Variants in ST3GAL4 observed in about 807,000 individuals in gnomAD.
ST3GAL4 encodes ST3 beta-galactoside alpha-2,3-sialyltransferase 4.
ST3GAL4 carries 24 observed loss-of-function variants against 42.6 expected under a neutral mutation model. The ratio of observed to expected loss-of-function variants is 0.56; its 90% CI spans 0.41 to 0.79. The LOEUF is 0.79. Ranked by LOEUF, ST3GAL4 falls within the 30% of genes least tolerant of loss-of-function variation. The probability of loss-of-function intolerance (pLI) is 0.00; values close to 1 mark genes in which losing one functional copy is unlikely to be tolerated. For synonymous variants in ST3GAL4, 135 were observed against 163.2 expected (o/e 0.83, Z 1.32); for missense variants, 311 against 430.8 (o/e 0.72, Z 2.46).
rs961166937 is a variant in ST3GAL4, at chr11:126,366,068, G to A, written c.-61+10226G>A. Among the ~76,000 whole-genome samples, 22 of 152,174 alleles carry A rather than the reference G, an allele frequency of 1.4e-4. No individual in the cohort carries two copies. Among genetic ancestry groups the A allele is most frequent in the Admixed American group, 4.6e-4 (7 of 15,282 alleles). On this transcript the variant is annotated intron_variant, in intron 1 of 10. Transcript: ENST00000444328. This position sits in a 1 kb window ranked among gnomAD's most constrained non-coding sequence, Gnocchi z 4.2. ...CGAGGAGCCCAGGATTCCCCTTTCC[G>A]TGACTTTGGAGGAACGAGGTTCCTG...
intron 1 of ST3GAL4, among the ~76,000 whole-genome samples, chr11:126,362,261 A>G (rs140410474): frequency 0.016 from 2,327 of 143,592 alleles, 62 homozygotes; most frequent in African/African-American, 0.055. Flanking sequence ...GCAGTGGCAC[A>G]ATCTCAGCTC....
intron 1 of ST3GAL4, among the ~76,000 whole-genome samples, chr11:126,368,859 G>T (rs1952529632): frequency 6.6e-6 from 1 of 152,172 alleles, no homozygotes; most frequent in Admixed American, 6.5e-5. Flanking sequence ...TAGCTGCTCT[G>T]AATGGTGTTG....
Position 126,391,969 on chromosome 11 carries a change from GTGTA to G in ST3GAL4, c.-60-14123_-60-14120del, listed in dbSNP as rs56934015. On this transcript the variant is annotated intron_variant, in intron 1 of 10. Transcript: ENST00000444328. The surrounding 1 kb of genome is among the most constrained non-coding windows in gnomAD (Gnocchi z 5.5). Reference sequence around the variant, plus strand: ...TGTGTGTGTGTGTGTGTGTGTGTGTGTGTATGTGTGTGTATGTGTATATATAAAA... The same window carrying G: ...TGTGTGTGTGTGTGTGTGTGTGTGTGTGTGTGTGTATGTGTATATATAAAA... Among the ~76,000 whole-genome samples, 34,933 of 145,844 alleles carry G rather than the reference GTGTA, an allele frequency of 0.24. 4,001 individuals carry two copies. Among genetic ancestry groups the G allele is most frequent in the African/African-American group, 0.27 (10,411 of 39,060 alleles).
intron 1 of ST3GAL4, among the ~76,000 whole-genome samples, chr11:126,374,212 G>A (rs1426287437): frequency 1.3e-5 from 2 of 151,952 alleles, no homozygotes; most frequent in African/African-American, 4.8e-5. Flanking sequence ...AGCACTTTGG[G>A]AGGCCGAGTT....
intron 1 of ST3GAL4, among the ~76,000 whole-genome samples, chr11:126,404,321 G>A (rs1954135965): frequency 6.6e-6 from 1 of 152,212 alleles, no homozygotes; most frequent in Non-Finnish European, 1.5e-5. Context: ...GCAGGTCAGA[G>A]AGGGAGGTGT....
At position 126,397,348 on chromosome 11, in the gene ST3GAL4, C is replaced by T. The variant is rs1376021938; in HGVS notation, c.-60-8748C>T. Among the ~76,000 whole-genome samples the T allele has an allele frequency of 6.6e-6, 1 of 152,060 alleles. No homozygotes were observed. The highest frequency in any genetic ancestry group is 1.5e-5 in the Non-Finnish European group (1 of 68,036). ...ACCATAAAGCATATTCTATAGTACA[C>T]TTAACTCTGGTGGGCTCTTGGTATA... On this transcript the variant is annotated intron_variant, in intron 1 of 10. Transcript: ENST00000444328. The surrounding 1 kb of genome is among the most constrained non-coding windows in gnomAD (Gnocchi z 5.0).
chr11:126,407,394 C>T (rs1285040458), intron 5 of ST3GAL4, 45 bp downstream of exon 5: 5 of 1,596,466 alleles, frequency 3.1e-6, no homozygotes, highest in Non-Finnish European at 4.3e-6. Context: ...TCACCCTGAC[C>T]ACGTTGCTTC....
At chr11:126,367,266 A>G (rs1401873108) in intron 1 of ST3GAL4, among the ~76,000 whole-genome samples, 1 of 152,038 alleles carries the variant, frequency 6.6e-6, no homozygotes, top group Non-Finnish European at 1.5e-5. Context: ...TCTGCATGCC[A>G]CCACACCCCA....
intron 1 of ST3GAL4, among the ~76,000 whole-genome samples, chr11:126,372,511 G>A (rs1403058740): frequency 6.6e-6 from 1 of 151,484 alleles, no homozygotes; most frequent in African/African-American, 2.4e-5. Flanking sequence ...CTGCCTCCTG[G>A]GTTCAAGCGA....
Position 126,407,344 on chromosome 11 carries a change from G to A in ST3GAL4, c.275G>A (p.Gly92Glu). 2.5e-6 allele frequency: 4 copies of A among 1,614,106 alleles called. No homozygotes were observed. Among genetic ancestry groups the A allele is most frequent in the Non-Finnish European group, 3.4e-6 (4 of 1,179,946 alleles). ...TACGAGCTGCCCTATGGGACCAAGG[G>A]GAGTGGTAAGTTCCTACCCGGCTCG... is the stretch of plus-strand genomic sequence containing the variant. ...SAYELPYGTK[G>E]SEDLLLRVLA... The change falls in exon 5 of 11, where the codon GGG becomes GAG. Residue 92 changes from glycine (G) to glutamate (E), a missense_variant. Physicochemically the swap from Gly to Glu is moderately conservative, Grantham distance 98. Coordinates refer to ENST00000444328, the MANE Select transcript of ST3GAL4 (RefSeq NM_001254757.2).
intron 1 of ST3GAL4, among the ~76,000 whole-genome samples, chr11:126,374,527 C>T (rs538486348): frequency 2.7e-5 from 4 of 150,024 alleles, no homozygotes; most frequent in South Asian, 4.2e-4. Flanking sequence ...CCCATGTCTA[C>T]GGAAAAGCAT....
chr11:126,358,404 C>G (rs899352479), intron 1 of ST3GAL4: 1 of 424,770 alleles, frequency 2.4e-6, no homozygotes, highest in African/African-American at 2.0e-5. Flanking sequence ...TCTTTGTTGC[C>G]CCCTTCCCAG....
rs1304276785 is a variant in ST3GAL4, at chr11:126,373,827, C to T, written c.-61+17985C>T. Among the ~76,000 whole-genome samples, 1 of 152,002 alleles carries T rather than the reference C, an allele frequency of 6.6e-6. No homozygotes were observed. Among genetic ancestry groups the T allele is most frequent in the Non-Finnish European group, 1.5e-5 (1 of 68,018 alleles). ...AATGAGCCAGGAAGCCTCCCCGTGCCCAGGCGTGCTGTGATCACAGTGTTC... is the reference window on the plus strand; with the variant it reads ...AATGAGCCAGGAAGCCTCCCCGTGCTCAGGCGTGCTGTGATCACAGTGTTC... On this transcript the variant is annotated intron_variant, in intron 1 of 10. Coordinates refer to ENST00000444328, the MANE Select transcript of ST3GAL4 (RefSeq NM_001254757.2). This position sits in a 1 kb window ranked among gnomAD's most constrained non-coding sequence, Gnocchi z 5.5.
chr11:126,399,009 G>C (rs1273740308), intron 1 of ST3GAL4, among the ~76,000 whole-genome samples: 2 of 152,284 alleles, frequency 1.3e-5, no homozygotes, highest in African/African-American at 4.8e-5. Flanking sequence ...GTGATCACAG[G>C]TCATCTCTGC....
Position 126,397,737 on chromosome 11 carries a change from T to C in ST3GAL4, c.-60-8359T>C, listed in dbSNP as rs2135508625. The stretch of plus-strand genomic sequence containing the variant: ...TAGAGGACACATCCGGTGAGGGTCT[T>C]CTTGCTGCATTGTCTCATGGTGGAT... On this transcript the variant is annotated intron_variant, in intron 1 of 10. Coordinates refer to ENST00000444328, the MANE Select transcript of ST3GAL4 (RefSeq NM_001254757.2). This position sits in a 1 kb window ranked among gnomAD's most constrained non-coding sequence, Gnocchi z 5.0. 6.6e-6 allele frequency among the ~76,000 whole-genome samples: 1 copy of C among 152,270 alleles called. No individual in the cohort carries two copies. The highest frequency in any genetic ancestry group is 2.1e-4 in the South Asian group (1 of 4,820).
rs568272894 is a variant in ST3GAL4, at chr11:126,396,346, C to T, written c.-60-9750C>T. Among the ~76,000 whole-genome samples, 1,288 of 151,912 alleles carry T rather than the reference C, an allele frequency of 8.5e-3. 18 individuals carry two copies. Among genetic ancestry groups the T allele is most frequent in the African/African-American group, 0.03 (1,232 of 41,212 alleles). On this transcript the variant is annotated intron_variant, in intron 1 of 10. Transcript: ENST00000444328. The surrounding 1 kb of genome is among the most constrained non-coding windows in gnomAD (Gnocchi z 5.8). ...AGGGAAGCCAGAGGAGTCCGCAGCC[C>T]GGGAGACCTGGCCTACAGCGGAGAG... is the stretch of plus-strand genomic sequence containing the variant.
In ST3GAL4 at chr11:126,400,726, G is replaced by A. The variant is rs955812656; in HGVS notation, c.-60-5370G>A. Reference sequence around the variant, plus strand: ...GCATGAGTGAGGAAACAGTTGTGGTGAAGAGACCAGTTAGGAAGCCTGTAA... The same window carrying A: ...GCATGAGTGAGGAAACAGTTGTGGTAAAGAGACCAGTTAGGAAGCCTGTAA... On this transcript the variant is annotated intron_variant, in intron 1 of 10. Transcript: ENST00000444328. The surrounding 1 kb of genome is among the most constrained non-coding windows in gnomAD (Gnocchi z 4.6). 6.6e-6 allele frequency among the ~76,000 whole-genome samples: 1 copy of A among 152,178 alleles called. No homozygotes were observed. Among genetic ancestry groups the A allele is most frequent in the Non-Finnish European group, 1.5e-5 (1 of 68,032 alleles).
Position 126,406,960 on chromosome 11 carries a change from C to T in ST3GAL4, c.119C>T (p.Pro40Leu). Reference protein sequence around the residue: ...RYIELFYFPIPEKKEPCLQGE... With the variant: ...RYIELFYFPILEKKEPCLQGE... The stretch of plus-strand genomic sequence containing the variant: ...CTCTCCAGTTTTTATTTTCCCATCC[C>T]AGAGAAGAAGGAGCCGTGCCTCCAG... The change falls in exon 4 of 11, where the codon CCA becomes CTA. Residue 40 changes from proline to leucine, a missense_variant. Transcript: ENST00000444328. The surrounding 1 kb of genome is among the most constrained non-coding windows in gnomAD (Gnocchi z 5.4). 1 of 1,614,088 alleles carries T rather than the reference C, an allele frequency of 6.2e-7. No homozygotes were observed. The highest frequency in any genetic ancestry group is 8.5e-7 in the Non-Finnish European group (1 of 1,179,990).
intron 1 of ST3GAL4, among the ~76,000 whole-genome samples, chr11:126,364,729 TA>T (rs911930808): frequency 1.3e-5 from 2 of 150,462 alleles, no homozygotes; most frequent in Non-Finnish European, 2.9e-5. Flanking sequence ...GAGGGCAGAA[TA>T]ACTGCAGCCT....
Sources: gnomAD v4.1 joint callset for allele counts (sites outside exome capture counted in the v4.1 genomes callset) on GRCh38, gnomAD v4.1.1 for gene constraint, Gnocchi (gnomAD v3.1) non-coding constraint, MANE v1.5 for transcripts, NCBI Gene and HGNC (gene_info 2026-07-23, HGNC 2026-07-21) for gene names.